The following TNIK variants were observed in gnomAD, a reference collection of about 807,000 sequenced individuals.
The protein encoded by TNIK is TRAF2 and NCK-interacting protein kinase.
TNIK carries 49 observed loss-of-function variants against 191.3 expected under a neutral mutation model. The ratio of observed to expected loss-of-function variants is 0.26; its 90% CI spans 0.20 to 0.32. TNIK has a LOEUF of 0.32. TNIK is among the 10% of genes least tolerant of loss of function. The probability of loss-of-function intolerance (pLI) is 1.00; values close to 1 mark genes in which losing one functional copy is unlikely to be tolerated. For synonymous variants in TNIK, 594 were observed against 600.9 expected, an observed-to-expected ratio of 0.99 and a Z score of 0.17; for missense variants, 1,155 against 1,702.3, an observed-to-expected ratio of 0.68 and a Z score of 5.66.
At chr3:171,158,087 C>A (rs1022689929) in intron 11 of TNIK, among the ~76,000 whole-genome samples, 1 of 152,190 alleles carries the variant, frequency 6.6e-6, no homozygotes, top group Non-Finnish European at 1.5e-5. Flanking sequence ...AAGCACAGAT[C>A]GGCCTCACCC....
intron 10 of TNIK, among the ~76,000 whole-genome samples, chr3:171,166,152 C>T (rs189061337): frequency 6.6e-6 from 1 of 152,268 alleles, no homozygotes; most frequent in East Asian, 1.9e-4. Context: ...TGAACCTTAG[C>T]TATGACTCAT....
In TNIK at chr3:171,460,103, G is replaced by A. The variant is rs986961848; in HGVS notation, c.-40C>T. On this transcript the variant is annotated 5_prime_UTR_variant, in exon 1 of 33. Coordinates refer to ENST00000436636, the MANE Select transcript of TNIK (RefSeq NM_015028.4). This position sits in a 1 kb window ranked among gnomAD's most constrained non-coding sequence, Gnocchi z 6.8. Reference sequence around the variant, plus strand: ...TGGAGAAATGGACCAAAACCACCCCGAAGCTTTTCCCTTGGAAATTCCACC... The same window carrying A: ...TGGAGAAATGGACCAAAACCACCCCAAAGCTTTTCCCTTGGAAATTCCACC... 1.3e-6 allele frequency: 2 copies of A among 1,580,920 alleles called. No individual in the cohort carries two copies. The highest frequency in any genetic ancestry group is 4.6e-5 in the East Asian group (2 of 43,204).
Position 171,247,429 on chromosome 3 carries a change from C to T in TNIK, c.124-19208G>A, listed in dbSNP as rs368975567. Among the ~76,000 whole-genome samples, 26 of 152,302 alleles carry T rather than the reference C, an allele frequency of 1.7e-4. No individual in the cohort carries two copies. The East Asian group carries it at 3.7e-3, about 21-fold the overall frequency. ...TCCTCCAGGAAGATAACATCTCTGGCTTGTACAATCTAGGTGGGTAAGAGT... is the reference window on the plus strand; with the variant it reads ...TCCTCCAGGAAGATAACATCTCTGGTTTGTACAATCTAGGTGGGTAAGAGT... On this transcript the variant is annotated intron_variant, in intron 2 of 32. Coordinates refer to ENST00000436636, the MANE Select transcript of TNIK (RefSeq NM_015028.4).
rs750650762 is a variant in TNIK, at chr3:171,126,119, T to A, written c.1806A>T (p.Gly602=). 3 of 1,560,528 alleles carry A rather than the reference T, an allele frequency of 1.9e-6. No individual in the cohort carries two copies. The highest frequency in any genetic ancestry group is 2.6e-6 in the Non-Finnish European group (3 of 1,156,224). The change falls in exon 17 of 33, where the codon GGA becomes GGT. Residue 602 remains glycine, a synonymous_variant. Coordinates refer to ENST00000436636, the MANE Select transcript of TNIK (RefSeq NM_015028.4). ...CTGACTGGGAGGCGGTCAAGGCAGG[T>A]CCCTGGGATTTTACAGCTACCAGAT... ...IPHLVAVKSQ[G]PALTASQSVH... is the part of the protein sequence containing the mutation.
chr3:171,093,090 G>C (rs61792365), intron 23 of TNIK, among the ~76,000 whole-genome samples: 2 of 152,126 alleles, frequency 1.3e-5, no homozygotes, highest in African/African-American at 4.8e-5. Context: ...AATGTTCTCA[G>C]CCATTTCTTT....
intron 2 of TNIK, among the ~76,000 whole-genome samples, chr3:171,334,469 G>A (rs1279855951): frequency 6.6e-6 from 1 of 152,202 alleles, no homozygotes; most frequent in African/African-American, 2.4e-5. Context: ...AGACCTGCGA[G>A]GACCTAGAGC....
chr3:171,358,893 T>C (rs1577622786), intron 2 of TNIK, among the ~76,000 whole-genome samples: 1 of 152,256 alleles, frequency 6.6e-6, no homozygotes, highest in East Asian at 1.9e-4. Context: ...ACCTCTATAA[T>C]TAAGTTTTAA....
At chr3:171,255,330 A>C (rs1183177378) in intron 2 of TNIK, among the ~76,000 whole-genome samples, 2 of 152,204 alleles carry the variant, frequency 1.3e-5, no homozygotes, top group African/African-American at 2.4e-5. Flanking sequence ...ATGAGGAAAC[A>C]GTAGATTTTT....
intron 2 of TNIK, among the ~76,000 whole-genome samples, chr3:171,242,380 AG>A (rs1745095035): frequency 6.6e-6 from 1 of 152,228 alleles, no homozygotes; most frequent in South Asian, 2.1e-4. Context: ...ACTCATAAGC[AG>A]GATCTCTTCT....
chr3:171,392,845 A>G (rs1042540044), intron 1 of TNIK, among the ~76,000 whole-genome samples: 1 of 151,374 alleles, frequency 6.6e-6, no homozygotes, highest in Non-Finnish European at 1.5e-5. Context: ...AGTGTATTCA[A>G]TGCATACTTT....
intron 3 of TNIK, among the ~76,000 whole-genome samples, chr3:171,219,807 GT>G (rs1363187662): frequency 3.3e-5 from 5 of 152,162 alleles, no homozygotes; most frequent in African/African-American, 7.2e-5. Context: ...GTGTAAATTA[GT>G]TTGACCGTTG....
chr3:171,092,857 G>A (rs1268598309), intron 23 of TNIK, among the ~76,000 whole-genome samples: 1 of 152,206 alleles, frequency 6.6e-6, no homozygotes, highest in Admixed American at 6.5e-5. Flanking sequence ...CCTGGCTGAA[G>A]AGGAAAAACA....
rs778846991 is a variant in TNIK, at chr3:171,101,668, T to C, written c.2407-35A>G. 1.9e-6 allele frequency: 3 copies of C among 1,600,260 alleles called. No homozygotes were observed. The Middle Eastern group carries it at 5.3e-4, about 281-fold the overall frequency. On this transcript the variant is annotated intron_variant, in intron 21 of 32. Coordinates refer to ENST00000436636, the MANE Select transcript of TNIK (RefSeq NM_015028.4). The stretch of plus-strand genomic sequence containing the variant: ...AAAAATTTGTTCAGCATATGAGTGG[T>C]AGATACGACCAAAGCTACATCTCTC...
chr3:171,326,912 C>T (rs1755830849), intron 2 of TNIK, among the ~76,000 whole-genome samples: 1 of 152,114 alleles, frequency 6.6e-6, no homozygotes, highest in South Asian at 2.1e-4. Context: ...CAGAAAGTCC[C>T]CAACTCACAA....
At chr3:171,079,731 A>G (rs1471541646) in intron 27 of TNIK, 79 bp from the exon 28 acceptor site, 1 of 1,459,256 alleles carries the variant, frequency 6.9e-7, no homozygotes, top group East Asian at 2.5e-5. Flanking sequence ...ATTTATTTCT[A>G]ATTTATTTTA....
chr3:171,082,450 A>C (rs916723826), intron 26 of TNIK, 56 bp from the exon 27 acceptor site: 1 of 1,572,766 alleles, frequency 6.4e-7, no homozygotes, highest in Non-Finnish European at 8.6e-7. Context: ...AATCTTCTGC[A>C]TCGAGAGTCC....
intron 2 of TNIK, among the ~76,000 whole-genome samples, chr3:171,339,098 C>T (rs1182100293): frequency 1.3e-5 from 2 of 152,182 alleles, no homozygotes; most frequent in Admixed American, 6.5e-5. Flanking sequence ...AGTCAGAGGG[C>T]TAAATACACA....
At chr3:171,401,760 A>G (rs1165443829) in intron 1 of TNIK, among the ~76,000 whole-genome samples, 1 of 152,176 alleles carries the variant, frequency 6.6e-6, no homozygotes, top group Non-Finnish European at 1.5e-5. Context: ...TTTCAGGGGG[A>G]TTTGGCATGA....
intron 2 of TNIK, among the ~76,000 whole-genome samples, chr3:171,358,598 G>C (rs1004737641): frequency 5.9e-5 from 9 of 152,136 alleles, no homozygotes; most frequent in African/African-American, 2.2e-4. Flanking sequence ...TATTCTTTTA[G>C]GATTCATACA....
Sources: gnomAD v4.1 joint callset for allele counts (sites outside exome capture counted in the v4.1 genomes callset) on GRCh38, gnomAD v4.1.1 for gene constraint, Gnocchi (gnomAD v3.1) non-coding constraint, MANE v1.5 for transcripts, NCBI Gene and HGNC (gene_info 2026-07-23, HGNC 2026-07-21) for gene names.